Variants in TMEM178B observed in about 807,000 individuals in gnomAD.
TMEM178B encodes the protein transmembrane protein 178B.
A neutral mutation model predicts 31.0 loss-of-function variants in TMEM178B; 5 were observed. The ratio of observed to expected loss-of-function variants is 0.16; its 90% CI spans 0.08 to 0.34. The LOEUF is 0.34. Ranked by LOEUF, TMEM178B falls within the 10% of genes least tolerant of loss-of-function variation. TMEM178B has a pLI of 1.00. For missense variants in TMEM178B, 275 were observed against 400.3 expected, an observed-to-expected ratio of 0.69 and a Z score of 2.67; for synonymous variants, 164 against 164.0, an observed-to-expected ratio of 1.00 and a Z score of 0.00.
chr7:141,415,163 G>A (rs1473313800), intron 2 of TMEM178B: 2 of 152,352 alleles, frequency 1.3e-5, no homozygotes, highest in African/African-American at 4.8e-5. Context: ...TAAAACCTAG[G>A]CCTTTGGTGT....
intron 1 of TMEM178B, among the ~76,000 whole-genome samples, chr7:141,076,641 A>G (rs1563081408): frequency 6.6e-6 from 1 of 152,158 alleles, no homozygotes; most frequent in Non-Finnish European, 1.5e-5. Context: ...CTTCCGGTGA[A>G]GCTGGAAACA....
At position 141,480,322 on chromosome 7, in the gene TMEM178B, T is replaced by C. The variant is rs895649491; in HGVS notation, c.*9536T>C. On this transcript the variant is annotated 3_prime_UTR_variant, in exon 4 of 4. Coordinates refer to ENST00000565468, the MANE Select transcript of TMEM178B (RefSeq NM_001195278.2). Reference sequence around the variant, plus strand: ...ATGGAAAAAATAAATAATCTGTCAGTTGTGGAATGTAAACTGATTAAACAA... The same window carrying C: ...ATGGAAAAAATAAATAATCTGTCAGCTGTGGAATGTAAACTGATTAAACAA... 2.8e-4 allele frequency: 43 copies of C among 152,156 alleles called. 1 individual carries two copies. 9.4% of individuals were successfully genotyped at this position (152,156 alleles called of 1,614,324 possible). A position where few individuals can be genotyped will look rare whatever the true frequency, so the allele number is the denominator to read the frequency against.
At chr7:141,266,983 G>T (rs559125401) in intron 2 of TMEM178B, among the ~76,000 whole-genome samples, 1 of 152,198 alleles carries the variant, frequency 6.6e-6, no homozygotes, top group Non-Finnish European at 1.5e-5. Context: ...CTGAAATGAG[G>T]CAATCCTTCT....
At chr7:141,153,289 A>AT (rs911185557) in intron 1 of TMEM178B, among the ~76,000 whole-genome samples, 2 of 152,090 alleles carry the variant, frequency 1.3e-5, no homozygotes, top group African/African-American at 4.8e-5. Flanking sequence ...AACGTTGAAG[A>AT]TTTTTTCAAC....
At chr7:141,367,688 A>C (rs1189138061) in intron 2 of TMEM178B, among the ~76,000 whole-genome samples, 2 of 152,212 alleles carry the variant, frequency 1.3e-5, no homozygotes, top group Non-Finnish European at 1.5e-5. Flanking sequence ...AAATAATTAT[A>C]GAAACAAGGT....
chr7:141,376,635 C>T (rs1040941359), intron 2 of TMEM178B, among the ~76,000 whole-genome samples: 1 of 152,144 alleles, frequency 6.6e-6, no homozygotes, highest in Non-Finnish European at 1.5e-5. Flanking sequence ...AGCATCACCA[C>T]GAAGAAGCAA....
Position 141,295,955 on chromosome 7 carries a change from G to A in TMEM178B, c.496+83251G>A, listed in dbSNP as rs1440279925. Among the ~76,000 whole-genome samples the A allele has an allele frequency of 2.0e-5, 3 of 152,144 alleles. No homozygotes were observed. The East Asian group carries it at 5.8e-4, about 29-fold the overall frequency. On this transcript the variant is annotated intron_variant, in intron 2 of 3. Transcript: ENST00000565468. ...CTGTGTTAACCTTTCCAGGCTTGGTGTCTGTAACTGACAGCAGCGCACACA... is the reference window on the plus strand; with the variant it reads ...CTGTGTTAACCTTTCCAGGCTTGGTATCTGTAACTGACAGCAGCGCACACA...
At chr7:141,456,520 G>A (rs1801966939) in intron 3 of TMEM178B, among the ~76,000 whole-genome samples, 2 of 152,196 alleles carry the variant, frequency 1.3e-5, no homozygotes, top group Admixed American at 1.3e-4. Flanking sequence ...TGATAGATCT[G>A]TGTGTCCTGG....
rs1794565589 is a variant in TMEM178B at position 141,074,556 on chromosome 7, C to A, written c.246C>A (p.Ala82=). ...LDRWEGKLLR[A]RNRRQLFAMS... ...GCTGGGAGGGCAAACTCCTCCGGGC[C>A]CGGAATCGCCGGCAGCTGTTCGCCA... The change falls in exon 1 of 4, where the codon GCC becomes GCA. Residue 82 remains alanine (A), a synonymous_variant. Coordinates refer to ENST00000565468, the MANE Select transcript of TMEM178B (RefSeq NM_001195278.2). This position sits in a 1 kb window ranked among gnomAD's most constrained non-coding sequence, Gnocchi z 5.1. The A allele has an allele frequency of 5.2e-6, 8 of 1,535,842 alleles. No homozygotes were observed. Among genetic ancestry groups the A allele is most frequent in the African/African-American group, 1.4e-5 (1 of 73,056 alleles).
chr7:141,180,213 G>C (rs1465402965), intron 1 of TMEM178B, among the ~76,000 whole-genome samples: 1 of 152,112 alleles, frequency 6.6e-6, no homozygotes, highest in Admixed American at 6.5e-5. Context: ...AGGCGTGGTG[G>C]CTCATGCCTA....
chr7:141,131,076 C>A (rs1795587430), intron 1 of TMEM178B, among the ~76,000 whole-genome samples: 1 of 152,200 alleles, frequency 6.6e-6, no homozygotes, highest in Non-Finnish European at 1.5e-5. Flanking sequence ...CTCAGTAAAT[C>A]TGCTTTTTTA....
intron 2 of TMEM178B, among the ~76,000 whole-genome samples, chr7:141,305,708 T>A (rs1798805229): frequency 2.0e-5 from 3 of 152,042 alleles, no homozygotes; most frequent in Admixed American, 2.0e-4. Flanking sequence ...GTGCTGGGAT[T>A]ACAGGCATGA....
chr7:141,109,030 A>G (rs1426857600), intron 1 of TMEM178B, among the ~76,000 whole-genome samples: 1 of 152,160 alleles, frequency 6.6e-6, no homozygotes, highest in Non-Finnish European at 1.5e-5. Flanking sequence ...ATCAAATCTC[A>G]TGAGACTTAT....
intron 2 of TMEM178B, among the ~76,000 whole-genome samples, chr7:141,259,157 G>A (rs1050468720): frequency 1.3e-5 from 2 of 151,882 alleles, no homozygotes; most frequent in African/African-American, 4.8e-5. Context: ...TATTCTTTCT[G>A]GTCTTTAGAT....
intron 2 of TMEM178B, among the ~76,000 whole-genome samples, chr7:141,374,383 C>G (rs1195485609): frequency 6.6e-6 from 1 of 152,158 alleles, no homozygotes; most frequent in Non-Finnish European, 1.5e-5. Context: ...CACATGCACA[C>G]ACACACACAC....
intron 2 of TMEM178B, among the ~76,000 whole-genome samples, chr7:141,337,191 C>T (rs1272938877): frequency 1.1e-5 from 1 of 91,434 alleles, no homozygotes. Context: ...ACCAGCACCA[C>T]CACCATCACC....
intron 1 of TMEM178B, among the ~76,000 whole-genome samples, chr7:141,183,067 A>G (rs1198641654): frequency 2.0e-5 from 3 of 152,234 alleles, no homozygotes; most frequent in Non-Finnish European, 4.4e-5. Flanking sequence ...GGAGAATCAT[A>G]TGTGCTTGAA....
At chr7:141,225,462 A>G (rs1797326953) in intron 2 of TMEM178B, among the ~76,000 whole-genome samples, 1 of 152,116 alleles carries the variant, frequency 6.6e-6, no homozygotes, top group Non-Finnish European at 1.5e-5. Context: ...TTGCAAATGT[A>G]TAGTACTTCA....
At chr7:141,140,155 C>T (rs1795747667) in intron 1 of TMEM178B, among the ~76,000 whole-genome samples, 1 of 152,188 alleles carries the variant, frequency 6.6e-6, no homozygotes, top group African/African-American at 2.4e-5. Flanking sequence ...CCCTCTGCTC[C>T]ACCTCTTGTT....
Sources: allele counts gnomAD v4.1 joint callset (sites outside exome capture counted in the v4.1 genomes callset), GRCh38; gene constraint gnomAD v4.1.1; non-coding constraint Gnocchi (gnomAD v3.1); transcripts MANE v1.5; gene names NCBI Gene and HGNC (gene_info 2026-07-23, HGNC 2026-07-21).